Variants in ZNF93 observed in about 807,000 individuals in gnomAD.
ZNF93 encodes zinc finger protein 505.
A neutral mutation model predicts 45.0 loss-of-function variants in ZNF93; 29 were observed. The ratio of observed to expected loss-of-function variants is 0.64; its 90% confidence interval spans 0.48 to 0.88. The LOEUF is 0.88. ZNF93 is among the 40% of genes least tolerant of loss of function. ZNF93 has a pLI of 0.00. For synonymous variants in ZNF93, 223 were observed against 244.6 expected (o/e 0.91, Z 0.82); for missense variants, 578 against 724.0 (o/e 0.80, Z 2.31).
chr19:19,912,930 A>T (rs78374667), intron 1 of ZNF93, among the ~76,000 whole-genome samples: 1 of 152,218 alleles, frequency 6.6e-6, no homozygotes, highest in Non-Finnish European at 1.5e-5. Flanking sequence ...TAAAATACAG[A>T]CTTATTCAGA....
intron 1 of ZNF93, among the ~76,000 whole-genome samples, chr19:19,912,039 G>A (rs1179044747): frequency 7.9e-5 from 12 of 152,018 alleles, no homozygotes; most frequent in African/African-American, 4.8e-5. Flanking sequence ...ATGACCCACC[G>A]CGCTTGGCCG....
chr19:19,924,821 C>T (rs1403537444), intron 3 of ZNF93, among the ~76,000 whole-genome samples: 1 of 151,976 alleles, frequency 6.6e-6, no homozygotes, highest in Non-Finnish European at 1.5e-5. Context: ...CAACTCCTGA[C>T]CTCAGGTGAT....
At chr19:19,903,959 T>G (rs2063284817) in intron 1 of ZNF93, among the ~76,000 whole-genome samples, 1 of 149,882 alleles carries the variant, frequency 6.7e-6, no homozygotes, top group Non-Finnish European at 1.5e-5. Context: ...CTTGGGAGGC[T>G]GAGGCAGGAG....
rs568784712 is a variant in ZNF93 at position 19,916,782 on chromosome 19, T to C, written c.226+127T>C. 16 of 647,596 alleles carry C rather than the reference T, an allele frequency of 2.5e-5. No homozygotes were observed. The South Asian group carries it at 4.5e-4, about 18-fold the overall frequency. 40.1% of individuals were successfully genotyped at this position (647,596 alleles called of 1,614,324 possible). ...AAAGGAAATAGTTCCTGGGCAGCTGTTTTTTGTTTTTGTTTCTGTTTTTTA... is the reference window on the plus strand; with the variant it reads ...AAAGGAAATAGTTCCTGGGCAGCTGCTTTTTGTTTTTGTTTCTGTTTTTTA... On this transcript the variant is annotated intron_variant, in intron 3 of 3. Transcript: ENST00000343769.
chr19:19,922,936 A>C (rs1279821953), intron 3 of ZNF93, among the ~76,000 whole-genome samples: 1 of 152,130 alleles, frequency 6.6e-6, no homozygotes, highest in Non-Finnish European at 1.5e-5. Flanking sequence ...CTCTTAACTC[A>C]TCAAAGTCAT....
At chr19:19,904,570 G>C (rs2063286924) in intron 1 of ZNF93, among the ~76,000 whole-genome samples, 3 of 151,916 alleles carry the variant, frequency 2.0e-5, no homozygotes, top group Non-Finnish European at 4.4e-5. Context: ...CAGGGTCTGT[G>C]CTGTGTGTGG....
intron 3 of ZNF93, among the ~76,000 whole-genome samples, chr19:19,921,940 G>C (rs920744714): frequency 6.6e-6 from 1 of 152,134 alleles, no homozygotes; most frequent in South Asian, 2.1e-4. Flanking sequence ...TTAGCCCATT[G>C]ACATTTAAGG....
chr19:19,912,644 C>T (rs75706907), intron 1 of ZNF93, among the ~76,000 whole-genome samples: 1 of 150,110 alleles, frequency 6.7e-6, no homozygotes, highest in Non-Finnish European at 1.5e-5. Flanking sequence ...CTCTAGACTA[C>T]ATTAAACTCT....
chr19:19,915,914 A>G (rs539190206), intron 2 of ZNF93, among the ~76,000 whole-genome samples: 1 of 152,326 alleles, frequency 6.6e-6, no homozygotes, highest in South Asian at 2.1e-4. Context: ...GTTGAGCTGT[A>G]TTCTTCACTC....
chr19:19,925,771 C>T (rs1266189884), intron 3 of ZNF93, among the ~76,000 whole-genome samples: 2 of 152,000 alleles, frequency 1.3e-5, no homozygotes, highest in Non-Finnish European at 2.9e-5. Flanking sequence ...ATTTGTTTTA[C>T]ATATCAGAGG....
At position 19,934,518 on chromosome 19, in the gene ZNF93, C is replaced by T. The variant is rs1184112101; in HGVS notation, c.1563C>T (p.Ser521=). 4.3e-6 allele frequency: 7 copies of T among 1,613,074 alleles called. No individual in the cohort carries two copies. Among genetic ancestry groups the T allele is most frequent in the African/African-American group, 1.3e-5 (1 of 74,860 alleles). Residue 521 remains serine (S), a synonymous_variant, in exon 4 of 4, where the codon TCC becomes TCT. Coordinates refer to ENST00000343769, the MANE Select transcript of ZNF93 (RefSeq NM_031218.4). ...AATGTGGCAAAGCTTTTAACCAGTC[C>T]TCAACCCTTATTAAACATAAGAAAA... The part of the protein sequence containing the change: ...CEECGKAFNQ[S]STLIKHKKIH...
intron 3 of ZNF93, among the ~76,000 whole-genome samples, chr19:19,920,535 C>G (rs1177797278): frequency 6.6e-6 from 1 of 152,192 alleles, no homozygotes; most frequent in South Asian, 2.1e-4. Flanking sequence ...ACCGGCTCCT[C>G]CTTGTACCTC....
At chr19:19,931,722 A>G (rs2063374952) in intron 3 of ZNF93, among the ~76,000 whole-genome samples, 1 of 152,050 alleles carries the variant, frequency 6.6e-6, no homozygotes, top group African/African-American at 2.4e-5. Flanking sequence ...TAATATTGTT[A>G]TTGTTTTATG....
chr19:19,927,062 AC>A (rs1241744849), intron 3 of ZNF93: 4 of 398,316 alleles, frequency 1.0e-5, no homozygotes. Context: ...TTTTAAAAAC[AC>A]ATAACATAAA....
Position 19,906,901 on chromosome 19 carries a change from C to T in ZNF93, c.3+5810C>T, listed in dbSNP as rs1240790355. On this transcript the variant is annotated intron_variant, in intron 1 of 3. Coordinates refer to ENST00000343769, the MANE Select transcript of ZNF93 (RefSeq NM_031218.4). ...TGTGCACTCATGGATTTTTTTATAA[C>T]ATCTTTTTCTCTTCTGCTTTTTCCC... 1.6e-4 allele frequency among the ~76,000 whole-genome samples: 24 copies of T among 149,974 alleles called. No individual in the cohort carries two copies. The Admixed American group carries it at 1.6e-3, about 10-fold the overall frequency.
chr19:19,933,187 T>G lies in ZNF93; in HGVS notation c.232T>G (p.Cys78Gly). 1 of 1,525,498 alleles carries G rather than the reference T, an allele frequency of 6.6e-7. No homozygotes were observed. The highest frequency in any genetic ancestry group is 2.3e-5 in the East Asian group (1 of 44,002). 94.5% of individuals were successfully genotyped at this position (1,525,498 alleles called of 1,614,324 possible). Residue 78 changes from cysteine to glycine, a missense_variant, in exon 4 of 4, where the codon TGT becomes GGT. Transcript: ENST00000343769. ...GTTTTTATTGTTTCTTTCAGTTATA[T>G]GTTCTCATTTTGCCCAAGATCTTTG... ...HEMVANPSVI[C>G]SHFAQDLWPE...
intron 3 of ZNF93, among the ~76,000 whole-genome samples, chr19:19,922,767 G>A (rs555069004): frequency 2.0e-5 from 3 of 152,074 alleles, no homozygotes; most frequent in African/African-American, 4.8e-5. Context: ...CATAGTTCTC[G>A]TGCCATGGTT....
intron 3 of ZNF93, among the ~76,000 whole-genome samples, chr19:19,917,867 T>C (rs1440750604): frequency 6.6e-6 from 1 of 152,208 alleles, no homozygotes; most frequent in African/African-American, 2.4e-5. Context: ...GATTGTATGA[T>C]CTACAAACAG....
At position 19,935,490 on chromosome 19, in the gene ZNF93, C is replaced by T. The variant is rs961210084; in HGVS notation, c.*672C>T. ...CACCAGTACAAAACTATATTATGCCCATTGTCTGGTTCTATTTTAATGTAG... is the reference window on the plus strand; with the variant it reads ...CACCAGTACAAAACTATATTATGCCTATTGTCTGGTTCTATTTTAATGTAG... On this transcript the variant is annotated 3_prime_UTR_variant, in exon 4 of 4. Coordinates refer to ENST00000343769, the MANE Select transcript of ZNF93 (RefSeq NM_031218.4). 2 of 152,218 alleles carry T rather than the reference C, an allele frequency of 1.3e-5. No homozygotes were observed. Among genetic ancestry groups the T allele is most frequent in the African/African-American group, 4.8e-5 (2 of 41,428 alleles). The allele number at this position is 152,218 out of a possible 1,614,324, so 9.4% of individuals were successfully genotyped here. A position where few individuals can be genotyped will look rare whatever the true frequency, so the allele number is the denominator to read the frequency against.
Sources: allele counts gnomAD v4.1 joint callset (sites outside exome capture counted in the v4.1 genomes callset), GRCh38; gene constraint gnomAD v4.1.1; transcripts MANE v1.5; gene names NCBI Gene and HGNC (gene_info 2026-07-23, HGNC 2026-07-21).